LRRTM3: variants seen among roughly 807,000 people sequenced by gnomAD.
LRRTM3 encodes the protein leucine-rich repeat transmembrane neuronal protein 3.
LRRTM3 carries 24 observed loss-of-function variants against 44.7 expected under a neutral mutation model. The ratio of observed to expected loss-of-function variants is 0.54; its 90% CI spans 0.39 to 0.76. LRRTM3 has a LOEUF of 0.76. Ranked by LOEUF, LRRTM3 falls within the 30% of genes least tolerant of loss-of-function variation. LRRTM3 has a pLI of 0.00. For synonymous variants in LRRTM3, 277 were observed against 278.7 expected, an observed-to-expected ratio of 0.99 and a Z score of 0.06; for missense variants, 587 against 702.2, an observed-to-expected ratio of 0.84 and a Z score of 1.85.
chr10:66,997,166 C>A (rs961015301), intron 2 of LRRTM3, among the ~76,000 whole-genome samples: 1 of 152,076 alleles, frequency 6.6e-6, no homozygotes, highest in Non-Finnish European at 1.5e-5. Flanking sequence ...AAGCATTTGG[C>A]AAAACAACCC....
chr10:67,060,645 CTT>C (rs1399670911), intron 2 of LRRTM3, among the ~76,000 whole-genome samples: 2 of 152,006 alleles, frequency 1.3e-5, no homozygotes, highest in Non-Finnish European at 2.9e-5. Flanking sequence ...GGCAGTTTCT[CTT>C]TCTTTACCAT....
intron 2 of LRRTM3, among the ~76,000 whole-genome samples, chr10:66,929,912 A>G (rs1213405837): frequency 3.3e-5 from 5 of 152,206 alleles, no homozygotes; most frequent in Admixed American, 6.5e-5. Context: ...CAGTTCTATT[A>G]TAGAAGCAAA....
intron 2 of LRRTM3, among the ~76,000 whole-genome samples, chr10:67,056,716 T>C (rs567076553): frequency 1.3e-5 from 2 of 152,330 alleles, no homozygotes; most frequent in African/African-American, 4.8e-5. Context: ...TCAATCACTA[T>C]GATCTCAAGA....
chr10:66,951,088 T>TACACACACACACACACAC (rs3056558), intron 2 of LRRTM3, among the ~76,000 whole-genome samples: 1 of 146,066 alleles, frequency 6.8e-6, no homozygotes, highest in East Asian at 2.0e-4. Context: ...TAACATTAAA[T>TACACACACACACACACAC]ACACACACAC....
intron 2 of LRRTM3, among the ~76,000 whole-genome samples, chr10:66,945,935 A>AC (rs1848248366): frequency 1.3e-5 from 2 of 152,094 alleles, no homozygotes; most frequent in African/African-American, 4.8e-5. Context: ...AGTTTGAAGG[A>AC]CCCCAAAACA....
chr10:67,086,151 A>G (rs147698070), intron 2 of LRRTM3, among the ~76,000 whole-genome samples: 37 of 152,162 alleles, frequency 2.4e-4, no homozygotes, highest in South Asian at 4.1e-4. Flanking sequence ...GGGGTGGAAG[A>G]AACAGTATAT....
intron 2 of LRRTM3, among the ~76,000 whole-genome samples, chr10:67,027,281 A>C (rs1461872199): frequency 2.0e-5 from 3 of 152,144 alleles, no homozygotes; most frequent in Non-Finnish European, 2.9e-5. Flanking sequence ...AGATCTTTTT[A>C]ATTCCCCTCG....
Position 66,949,569 on chromosome 10 carries a change from A to T in LRRTM3, c.1536+21117A>T, listed in dbSNP as rs867119887. On this transcript the variant is annotated intron_variant, in intron 2 of 2. Transcript: ENST00000361320. ...GCAAAACTCCATCTCAAAATAAAAA[A>T]AAAAAAAAGTCACTATGGCCAATAT... Among the ~76,000 whole-genome samples, 1,142 of 152,248 alleles carry T rather than the reference A, an allele frequency of 7.5e-3. 17 individuals carry two copies. The highest frequency in any genetic ancestry group is 0.026 in the African/African-American group (1,089 of 41,552).
intron 2 of LRRTM3, among the ~76,000 whole-genome samples, chr10:66,986,958 C>T (rs1208173247): frequency 2.0e-5 from 3 of 152,036 alleles, no homozygotes; most frequent in East Asian, 3.9e-4. Context: ...AAGGTCACAT[C>T]GTCAGAATGG....
At chr10:67,066,448 C>T (rs2131833679) in intron 2 of LRRTM3, among the ~76,000 whole-genome samples, 1 of 151,734 alleles carries the variant, frequency 6.6e-6, no homozygotes, top group Non-Finnish European at 1.5e-5. Context: ...GCCTTGGCCT[C>T]CCAAAGTGCT....
In LRRTM3 at chr10:66,927,387, G is replaced by A; in HGVS notation, c.471G>A (p.Arg157=). ...SLGSEQFRGL[R]KLLSLHLRSN... ...GATCTGAACAGTTTCGGGGCTTGCG[G>A]AAGCTGCTGAGTTTACATTTACGGT... is the stretch of plus-strand genomic sequence containing the variant. Residue 157 remains arginine (R), a synonymous_variant, in exon 2 of 3, where the codon CGG becomes CGA. Coordinates refer to ENST00000361320, the MANE Select transcript of LRRTM3 (RefSeq NM_178011.5). The surrounding 1 kb of genome is among the most constrained non-coding windows in gnomAD (Gnocchi z 4.7). The A allele has an allele frequency of 6.2e-7, 1 of 1,614,150 alleles. No individual in the cohort carries two copies. Among genetic ancestry groups the A allele is most frequent in the South Asian group, 1.1e-5 (1 of 91,080 alleles).
At chr10:66,965,100 A>G (rs949360801) in intron 2 of LRRTM3, among the ~76,000 whole-genome samples, 1 of 152,182 alleles carries the variant, frequency 6.6e-6, no homozygotes, top group Non-Finnish European at 1.5e-5. Flanking sequence ...GTGAGGGCCA[A>G]CTGTGGGTCA....
intron 2 of LRRTM3, among the ~76,000 whole-genome samples, chr10:67,025,871 A>G (rs1589623006): frequency 1.3e-5 from 2 of 149,572 alleles, no homozygotes; most frequent in East Asian, 3.9e-4. Flanking sequence ...ATGTCCAACA[A>G]TGATAGACTG....
intron 2 of LRRTM3, among the ~76,000 whole-genome samples, chr10:67,055,599 TA>T (rs1413306269): frequency 1.3e-5 from 2 of 152,242 alleles, no homozygotes; most frequent in South Asian, 4.1e-4. Context: ...ACCCAAAATA[TA>T]ATCAACACAA....
At chr10:67,013,543 C>T (rs887781476) in intron 2 of LRRTM3, among the ~76,000 whole-genome samples, 6 of 152,288 alleles carry the variant, frequency 3.9e-5, no homozygotes, top group Non-Finnish European at 5.9e-5. Context: ...CTGAACTATA[C>T]CATGACCTCG....
intron 2 of LRRTM3, among the ~76,000 whole-genome samples, chr10:66,940,785 CA>C (rs879777054): frequency 3.0e-4 from 43 of 143,476 alleles, no homozygotes; most frequent in Non-Finnish European, 4.3e-4. Flanking sequence ...CTGGTTTAAA[CA>C]AAAAAAAAAA....
At position 67,044,766 on chromosome 10, in the gene LRRTM3, A is replaced by G. The variant is rs148934079; in HGVS notation, c.1537-52821A>G. On this transcript the variant is annotated intron_variant, in intron 2 of 2. Coordinates refer to ENST00000361320, the MANE Select transcript of LRRTM3 (RefSeq NM_178011.5). ...ATAGATATTTTGCTCAGCAAAAAGCATGATTCAGCCTAGCACAGTGGAAAG... is the reference window on the plus strand; with the variant it reads ...ATAGATATTTTGCTCAGCAAAAAGCGTGATTCAGCCTAGCACAGTGGAAAG... Among the ~76,000 whole-genome samples, 613 of 152,336 alleles carry G rather than the reference A, an allele frequency of 4.0e-3. 3 individuals are homozygous for G. Among genetic ancestry groups the G allele is most frequent in the African/African-American group, 0.014 (585 of 41,578 alleles).
rs561759697 is a variant in LRRTM3, at chr10:67,016,340, T to C, written c.1537-81247T>C. Among the ~76,000 whole-genome samples, 3 of 152,312 alleles carry C rather than the reference T, an allele frequency of 2.0e-5. No homozygotes were observed. In the South Asian group the frequency reaches 6.2e-4, roughly 32 times the overall value. The stretch of plus-strand genomic sequence containing the variant: ...CATCTTCTTTCCAAATATTTTATTT[T>C]CTTAACATTGAAAGTAGTTCTTCCC... On this transcript the variant is annotated intron_variant, in intron 2 of 2. Transcript: ENST00000361320.
rs1847163205 is a variant in LRRTM3 at position 66,927,932 on chromosome 10, T to G, written c.1016T>G (p.Ile339Ser). 1 of 1,614,118 alleles carries G rather than the reference T, an allele frequency of 6.2e-7. No homozygotes were observed. Among genetic ancestry groups the G allele is most frequent in the Non-Finnish European group, 8.5e-7 (1 of 1,180,054 alleles). Residue 339 changes from isoleucine (I) to serine (S), a missense_variant, in exon 2 of 3, where the codon ATC (isoleucine) becomes AGC (serine). Physicochemically the swap from Ile to Ser is moderately radical, Grantham distance 142. Coordinates refer to ENST00000361320, the MANE Select transcript of LRRTM3 (RefSeq NM_178011.5). The surrounding 1 kb of genome is among the most constrained non-coding windows in gnomAD (Gnocchi z 4.7). ...AAAGGTCTAAGGGAGAATACAATTA[T>G]CTGTGCCAGTCCCAAAGAGCTGCAA... is the stretch of plus-strand genomic sequence containing the variant. ...SFKGLRENTI[I>S]CASPKELQGV...
Sources: allele counts gnomAD v4.1 joint callset (sites outside exome capture counted in the v4.1 genomes callset), GRCh38; gene constraint gnomAD v4.1.1; non-coding constraint Gnocchi (gnomAD v3.1); transcripts MANE v1.5; gene names NCBI Gene and HGNC (gene_info 2026-07-23, HGNC 2026-07-21).